DPP10: variants seen among roughly 807,000 people sequenced by gnomAD.
DPP10 encodes dipeptidyl peptidase like 10.
DPP10 carries 33 observed loss-of-function variants against 120.9 expected under a neutral mutation model. That is an observed-to-expected ratio of 0.27 (90% CI 0.21 to 0.37). The LOEUF is 0.37. Among genes scored for constraint, DPP10 ranks in the 10% least tolerant of loss-of-function variants. DPP10 has a pLI of 1.00. For synonymous variants in DPP10, 337 were observed against 326.1 expected, an observed-to-expected ratio of 1.03 and a Z score of -0.36; for missense variants, 816 against 942.8, an observed-to-expected ratio of 0.87 and a Z score of 1.76.
At chr2:114,587,016 G>A (rs1691037970) in intron 1 of DPP10, among the ~76,000 whole-genome samples, 1 of 152,120 alleles carries the variant, frequency 6.6e-6, no homozygotes, top group African/African-American at 2.4e-5. Flanking sequence ...ATACAGCCTA[G>A]GCCGGGTGCA....
chr2:115,793,986 T>G (rs1260563155), intron 19 of DPP10, among the ~76,000 whole-genome samples: 4 of 152,142 alleles, frequency 2.6e-5, no homozygotes, highest in African/African-American at 9.7e-5. Flanking sequence ...TTTAAGAATT[T>G]TAAAAACTGC....
intron 3 of DPP10, among the ~76,000 whole-genome samples, chr2:115,380,414 C>A (rs983680148): frequency 6.6e-6 from 1 of 152,166 alleles, no homozygotes; most frequent in Non-Finnish European, 1.5e-5. Flanking sequence ...GGTAGATCTT[C>A]TTCCATCCTT....
intron 1 of DPP10, among the ~76,000 whole-genome samples, chr2:114,803,388 G>A (rs1306584381): frequency 6.6e-6 from 1 of 152,206 alleles, no homozygotes; most frequent in Non-Finnish European, 1.5e-5. Flanking sequence ...ACCCAAAAAT[G>A]TGGAAGCAAC....
rs944410681 is a variant in DPP10, at chr2:114,867,538, TC to T, written c.60+424701del. Among the ~76,000 whole-genome samples, 64 of 152,312 alleles carry T rather than the reference TC, an allele frequency of 4.2e-4. 2 individuals carry two copies. The highest frequency in any genetic ancestry group is 3.7e-3 in the Admixed American group (57 of 15,294). On this transcript the variant is annotated intron_variant, in intron 1 of 25. Coordinates refer to ENST00000410059, the MANE Select transcript of DPP10 (RefSeq NM_020868.6). ...GTCTCTTTCCTTATAAGTTAAAATC[TC>T]ATTAGATTTTATGAAAAGTTTCAGT...
intron 1 of DPP10, among the ~76,000 whole-genome samples, chr2:115,182,306 G>C (rs2054132727): frequency 6.6e-6 from 1 of 152,142 alleles, no homozygotes; most frequent in South Asian, 2.1e-4. Context: ...TGGCCACAAA[G>C]ATACTTTAGT....
chr2:115,625,541 TG>T (rs1446688603), intron 5 of DPP10, among the ~76,000 whole-genome samples: 1 of 152,096 alleles, frequency 6.6e-6, no homozygotes, highest in Non-Finnish European at 1.5e-5. Flanking sequence ...GTTAAATAGT[TG>T]TGGGCAGTTG....
intron 1 of DPP10, among the ~76,000 whole-genome samples, chr2:115,260,878 A>G (rs988923172): frequency 6.6e-6 from 1 of 152,212 alleles, no homozygotes; most frequent in Non-Finnish European, 1.5e-5. Context: ...GGAAATTAAA[A>G]GTAGAGGAAA....
intron 5 of DPP10, among the ~76,000 whole-genome samples, chr2:115,682,334 T>G (rs766238412): frequency 6.6e-6 from 1 of 151,926 alleles, no homozygotes; most frequent in Non-Finnish European, 1.5e-5. Context: ...CATGAAAATA[T>G]TGTATTACAA....
chr2:115,394,358 A>T (rs996038406), intron 3 of DPP10, among the ~76,000 whole-genome samples: 2 of 151,906 alleles, frequency 1.3e-5, no homozygotes, highest in Non-Finnish European at 2.9e-5. Context: ...GATAAAGCCC[A>T]GGTTTCTGTT....
At chr2:115,426,756 C>T (rs1469085323) in intron 3 of DPP10, among the ~76,000 whole-genome samples, 1 of 152,128 alleles carries the variant, frequency 6.6e-6, no homozygotes, top group East Asian at 1.9e-4. Context: ...TCATTCTGCC[C>T]TTGGCCCCCA....
intron 8 of DPP10, among the ~76,000 whole-genome samples, chr2:115,736,323 T>A (rs536547031): frequency 4.6e-5 from 7 of 152,246 alleles, no homozygotes; most frequent in African/African-American, 1.7e-4. Context: ...GGCTTCAAGG[T>A]TATTGCTAAA....
intron 1 of DPP10, among the ~76,000 whole-genome samples, chr2:114,722,601 C>G (rs1207987379): frequency 1.3e-5 from 2 of 151,554 alleles, no homozygotes; most frequent in African/African-American, 4.8e-5. Flanking sequence ...ACGGCGAAAC[C>G]CCGTCTCTAC....
At chr2:115,716,833 A>T (rs1161800540) in intron 7 of DPP10, among the ~76,000 whole-genome samples, 1 of 152,170 alleles carries the variant, frequency 6.6e-6, no homozygotes, top group African/African-American at 2.4e-5. Context: ...AACCAAGCCT[A>T]GTCCCACCTT....
chr2:114,590,754 A>T (rs999876983), intron 1 of DPP10, among the ~76,000 whole-genome samples: 1 of 152,244 alleles, frequency 6.6e-6, no homozygotes, highest in Admixed American at 6.5e-5. Context: ...TCAAAGGCAT[A>T]TATAATAGTA....
At chr2:115,499,693 A>G in intron 4 of DPP10, 89 bp downstream of exon 4, 1 of 868,664 alleles carries the variant, frequency 1.2e-6, no homozygotes, top group Middle Eastern at 3.6e-4. Flanking sequence ...CTTCAGCTCC[A>G]GCATTTGTAA....
intron 1 of DPP10, among the ~76,000 whole-genome samples, chr2:114,608,570 G>A (rs1282214480): frequency 6.6e-6 from 1 of 151,980 alleles, no homozygotes; most frequent in Non-Finnish European, 1.5e-5. Context: ...TGTACAGTTT[G>A]GAATCATTGT....
chr2:114,529,771 A>G (rs1202958459), intron 1 of DPP10, among the ~76,000 whole-genome samples: 2 of 152,110 alleles, frequency 1.3e-5, no homozygotes, highest in Non-Finnish European at 2.9e-5. Context: ...TTTGTTGTAC[A>G]GATTATTTCA....
intron 1 of DPP10, among the ~76,000 whole-genome samples, chr2:114,867,879 AGCTCCTCAG>A (rs1373767834): frequency 6.6e-6 from 1 of 152,238 alleles, no homozygotes; most frequent in African/African-American, 2.4e-5. Context: ...TCTGACACTC[AGCTCCTCAG>A]GCTCAGAAGC....
rs1690326744 is a variant in DPP10 at position 115,843,286 on chromosome 2, A to G, written c.*941A>G. On this transcript the variant is annotated 3_prime_UTR_variant, in exon 26 of 26. Coordinates refer to ENST00000410059, the MANE Select transcript of DPP10 (RefSeq NM_020868.6). ...TTGTCACATGTAAATTAGATACTTAAATATTAAATTATAGTTTCTGATAAA... is the reference window on the plus strand; with the variant it reads ...TTGTCACATGTAAATTAGATACTTAGATATTAAATTATAGTTTCTGATAAA... 6.6e-6 allele frequency: 1 copy of G among 152,596 alleles called. No homozygotes were observed. Among genetic ancestry groups the G allele is most frequent in the Non-Finnish European group, 1.5e-5 (1 of 68,022 alleles). 9.5% of individuals were successfully genotyped at this position (152,596 alleles called of 1,614,324 possible). A position where few individuals can be genotyped will look rare whatever the true frequency, so the allele number is the denominator to read the frequency against.
Sources: allele counts gnomAD v4.1 joint callset (sites outside exome capture counted in the v4.1 genomes callset), GRCh38; gene constraint gnomAD v4.1.1; transcripts MANE v1.5; gene names NCBI Gene and HGNC (gene_info 2026-07-23, HGNC 2026-07-21).